The following NPAS2 variants were observed in gnomAD, a reference collection of about 807,000 sequenced individuals.
NPAS2 encodes the protein neuronal PAS domain protein 2, also known as neuronal PAS domain-containing protein 2.
In NPAS2, 23 loss-of-function variants were observed where a neutral mutation model predicts 107.5. That is an observed-to-expected ratio of 0.21 (90% confidence interval 0.15 to 0.30). The LOEUF (loss-of-function observed/expected upper bound fraction) is 0.30. Among genes scored for constraint, NPAS2 ranks in the 10% least tolerant of loss-of-function variants. The pLI is 1.00. For synonymous variants in NPAS2, 403 were observed against 417.5 expected (o/e 0.97, Z 0.42); for missense variants, 756 against 1,043.3 (o/e 0.72, Z 3.79).
chr2:100,836,271 G>A (rs1028124473), intron 1 of NPAS2, among the ~76,000 whole-genome samples: 5 of 152,056 alleles, frequency 3.3e-5, no homozygotes, highest in African/African-American at 4.8e-5. Context: ...ACCTCACTTC[G>A]ATGTGTACCA....
intron 5 of NPAS2, among the ~76,000 whole-genome samples, chr2:100,947,883 G>A (rs1244302694): frequency 1.3e-5 from 2 of 152,194 alleles, no homozygotes; most frequent in Admixed American, 6.5e-5. Context: ...GATTGGCCTC[G>A]CACTGGGCGT....
intron 1 of NPAS2, among the ~76,000 whole-genome samples, chr2:100,848,314 T>C (rs1285067655): frequency 1.3e-5 from 2 of 152,218 alleles, no homozygotes; most frequent in African/African-American, 2.4e-5. Flanking sequence ...CAGGATCATA[T>C]AGTATTCTAG....
intron 5 of NPAS2, among the ~76,000 whole-genome samples, chr2:100,945,050 A>G (rs998218743): frequency 6.6e-6 from 1 of 152,234 alleles, no homozygotes; most frequent in Non-Finnish European, 1.5e-5. Flanking sequence ...TTCTAAAAAA[A>G]CTAGAGAGAA....
At chr2:100,966,501 AAC>A (rs1676219788) in intron 10 of NPAS2, among the ~76,000 whole-genome samples, 1 of 152,058 alleles carries the variant, frequency 6.6e-6, no homozygotes, top group Non-Finnish European at 1.5e-5. Flanking sequence ...TTGAAATAGG[AAC>A]ACTGACCTAT....
chr2:100,947,703 C>A (rs1558899986), intron 5 of NPAS2, among the ~76,000 whole-genome samples: 1 of 152,202 alleles, frequency 6.6e-6, no homozygotes, highest in African/African-American at 2.4e-5. Context: ...GGACAGCACT[C>A]AATCTGAACT....
chr2:100,852,709 A>G (rs1357711827), intron 1 of NPAS2, among the ~76,000 whole-genome samples: 1 of 152,074 alleles, frequency 6.6e-6, no homozygotes, highest in African/African-American at 2.4e-5. Context: ...TGCAAGAGAG[A>G]TGGGAGGCAC....
At chr2:100,933,476 A>T (rs1386898088) in intron 4 of NPAS2, among the ~76,000 whole-genome samples, 1 of 152,138 alleles carries the variant, frequency 6.6e-6, no homozygotes, top group African/African-American at 2.4e-5. Flanking sequence ...TTACATCCAC[A>T]TGGCATACAG....
At position 100,965,810 on chromosome 2, in the gene NPAS2, C is replaced by T. The variant is rs1182664913; in HGVS notation, c.907+44C>T. The T allele has an allele frequency of 2.3e-6, 3 of 1,277,462 alleles. No individual in the cohort carries two copies. The highest frequency in any genetic ancestry group is 3.4e-6 in the Non-Finnish European group (3 of 880,602). The allele number at this position is 1,277,462 out of a possible 1,614,324, so 79.1% of individuals were successfully genotyped here. A position where few individuals can be genotyped will look rare whatever the true frequency, so the allele number is the denominator to read the frequency against. On this transcript the variant is annotated intron_variant, in intron 10 of 20. Coordinates refer to ENST00000335681, the MANE Select transcript of NPAS2 (RefSeq NM_002518.4). This position sits in a 1 kb window ranked among gnomAD's most constrained non-coding sequence, Gnocchi z 4.3. Reference sequence around the variant, plus strand: ...CCCAGGCATGGGGGCCTTGCGTTCACTCCACTGGGGCCCAGCAGCAGGGCT... The same window carrying T: ...CCCAGGCATGGGGGCCTTGCGTTCATTCCACTGGGGCCCAGCAGCAGGGCT...
At chr2:100,936,777 TCAAGAC>T (rs1684326612) in intron 4 of NPAS2, among the ~76,000 whole-genome samples, 1 of 116,374 alleles carries the variant, frequency 8.6e-6, no homozygotes, top group Admixed American at 1.0e-4. Context: ...GGACAGGAGT[TCAAGAC>T]CAGCCTGGCC....
Position 100,968,951 on chromosome 2 carries a change from G to C in NPAS2, c.1055+523G>C, listed in dbSNP as rs916728938. Among the ~76,000 whole-genome samples the C allele has an allele frequency of 1.3e-5, 2 of 152,192 alleles. No individual in the cohort carries two copies. Among genetic ancestry groups the C allele is most frequent in the African/African-American group, 2.4e-5 (1 of 41,456 alleles). ...TCCTGGGAGGTCCCTGCTGGCCTCA[G>C]GGAGCCCTCCACCCAGGGCGGGTGA... On this transcript the variant is annotated intron_variant, in intron 11 of 20. Coordinates refer to ENST00000335681, the MANE Select transcript of NPAS2 (RefSeq NM_002518.4). The surrounding 1 kb of genome is among the most constrained non-coding windows in gnomAD (Gnocchi z 5.3).
At chr2:100,969,822 G>A (rs887714604) in intron 11 of NPAS2, among the ~76,000 whole-genome samples, 36 of 152,122 alleles carry the variant, frequency 2.4e-4, no homozygotes, top group Non-Finnish European at 4.4e-4. Context: ...TAGCACAGGT[G>A]TAAGTGTGCA....
At chr2:100,971,601 A>C (rs955921619) in intron 12 of NPAS2, among the ~76,000 whole-genome samples, 11 of 152,192 alleles carry the variant, frequency 7.2e-5, no homozygotes, top group Non-Finnish European at 1.6e-4. Flanking sequence ...TTCTGTGTCC[A>C]GGGGTGTTAG....
chr2:100,948,178 G>T, intron 5 of NPAS2, 57 bp from the exon 6 acceptor site: 5 of 1,585,314 alleles, frequency 3.2e-6, no homozygotes, highest in Admixed American at 3.9e-5. Flanking sequence ...TTTTGTTTTT[G>T]CTTCTGTTTT....
At chr2:100,987,259 A>C (rs1259632216) in intron 16 of NPAS2, 1 of 152,250 alleles carries the variant, frequency 6.6e-6, no homozygotes, top group African/African-American at 2.4e-5. Context: ...TAAATCAAAT[A>C]CACCAAACTT....
At chr2:100,955,925 G>C (rs1026283082) in intron 7 of NPAS2, among the ~76,000 whole-genome samples, 2 of 151,894 alleles carry the variant, frequency 1.3e-5, no homozygotes, top group East Asian at 1.9e-4. Context: ...GTTTTTTTGA[G>C]ACAGGATCTC....
chr2:100,826,899 G>A (rs1676423105), intron 1 of NPAS2, among the ~76,000 whole-genome samples: 2 of 152,120 alleles, frequency 1.3e-5, no homozygotes, highest in African/African-American at 4.8e-5. Flanking sequence ...CATGTTTGAG[G>A]TAGTACCATT....
chr2:100,969,452 T>G (rs902266468), intron 11 of NPAS2, among the ~76,000 whole-genome samples: 1 of 152,210 alleles, frequency 6.6e-6, no homozygotes, highest in African/African-American at 2.4e-5. Context: ...GAACATGCGG[T>G]GTTTGGTTTT....
chr2:100,977,922 A>G (rs972013796), intron 15 of NPAS2, 123 bp downstream of exon 15: 19 of 793,462 alleles, frequency 2.4e-5, no homozygotes, highest in African/African-American at 1.0e-4. Context: ...GTCCCTCCCA[A>G]TGTGTGTGTG....
chr2:100,975,321 C>A, intron 13 of NPAS2, 137 bp from the exon 14 acceptor site: 1 of 775,290 alleles, frequency 1.3e-6, no homozygotes, highest in Non-Finnish European at 2.1e-6. Context: ...TCAGCTCAAC[C>A]CTGCATGGTG....
Sources: gnomAD v4.1 joint callset for allele counts (sites outside exome capture counted in the v4.1 genomes callset) on GRCh38, gnomAD v4.1.1 for gene constraint, Gnocchi (gnomAD v3.1) non-coding constraint, MANE v1.5 for transcripts, NCBI Gene and HGNC (gene_info 2026-07-23, HGNC 2026-07-21) for gene names.